MAMDC2: variants seen among roughly 807,000 people sequenced by gnomAD.
MAMDC2 encodes MAM domain containing 2.
A neutral mutation model predicts 89.8 loss-of-function variants in MAMDC2; 57 were observed. The observed-to-expected ratio is 0.63, with a 90% CI of 0.51 to 0.79. MAMDC2 has a LOEUF of 0.79. Ranked by LOEUF, MAMDC2 falls within the 30% of genes least tolerant of loss-of-function variation. The probability of loss-of-function intolerance (pLI) is 0.00; values close to 1 mark genes in which losing one functional copy is unlikely to be tolerated. For missense variants in MAMDC2, 800 were observed against 820.6 expected (o/e 0.97, Z 0.31); for synonymous variants, 313 against 293.4 (o/e 1.07, Z -0.68).
intron 2 of MAMDC2, among the ~76,000 whole-genome samples, chr9:70,046,770 G>A (rs1273828792): frequency 6.6e-6 from 1 of 152,246 alleles, no homozygotes; most frequent in African/African-American, 2.4e-5. Flanking sequence ...CTGCTTTCTG[G>A]CTCAGGACTG....
In MAMDC2 at chr9:70,126,220, C is replaced by T; in HGVS notation, c.705C>T (p.Ile235=). Reference sequence around the variant, plus strand: ...ACTTCCAGGAGGTGGCACAGCTCATCTCCCCGTTGACCACGGCCCCCATGG... The same window carrying T: ...ACTTCCAGGAGGTGGCACAGCTCATTTCCCCGTTGACCACGGCCCCCATGG... ...VKHFQEVAQL[I]SPLTTAPMAG... is the part of the protein sequence containing the mutation. Residue 235 remains isoleucine (I), a synonymous_variant, in exon 6 of 14, where the codon ATC becomes ATT. Transcript: ENST00000377182. The T allele has an allele frequency of 2.5e-6, 4 of 1,614,020 alleles. No individual in the cohort carries two copies. Among genetic ancestry groups the T allele is most frequent in the South Asian group, 2.2e-5 (2 of 91,070 alleles).
intron 11 of MAMDC2, among the ~76,000 whole-genome samples, chr9:70,195,970 A>G (rs1316064856): frequency 6.6e-6 from 1 of 152,160 alleles, no homozygotes; most frequent in Non-Finnish European, 1.5e-5. Flanking sequence ...TGGATAATTT[A>G]TAAAGGAAAG....
At chr9:70,168,503 A>G (rs1267331348) in intron 9 of MAMDC2, 199 bp from the exon 10 acceptor site, 2 of 509,396 alleles carry the variant, frequency 3.9e-6, no homozygotes, top group Non-Finnish European at 7.0e-6. Context: ...AAAATTAACA[A>G]TAATAATAAA....
intron 6 of MAMDC2, among the ~76,000 whole-genome samples, chr9:70,130,774 A>AAAAAC (rs4069785): frequency 0.068 from 10,257 of 151,744 alleles, 540 homozygotes; most frequent in East Asian, 0.23. Context: ...AGGGAGGTAA[A>AAAAAC]AAAACAAAAC....
chr9:70,120,048 T>C (rs572185760), intron 5 of MAMDC2, among the ~76,000 whole-genome samples: 1 of 152,314 alleles, frequency 6.6e-6, no homozygotes, highest in East Asian at 1.9e-4. Context: ...TCCCTTCTAA[T>C]GGAATTACCG....
chr9:70,126,452 C>T (rs774011710), intron 6 of MAMDC2, 37 bp downstream of exon 6: 12 of 1,587,468 alleles, frequency 7.6e-6, no homozygotes, highest in African/African-American at 1.3e-5. Flanking sequence ...TTCACTGGCA[C>T]TCTTTAGACA....
rs1053050599 is a variant in MAMDC2, at chr9:70,148,977, C to T, written c.1404+5158C>T. Among the ~76,000 whole-genome samples, 48 of 143,566 alleles carry T rather than the reference C, an allele frequency of 3.3e-4. 2 individuals are homozygous for T. Among genetic ancestry groups the T allele is most frequent in the Admixed American group, 9.1e-4 (13 of 14,256 alleles). The allele number at this position is 143,566 out of a possible 152,430, so 94.2% of individuals were successfully genotyped here. A position where few individuals can be genotyped will look rare whatever the true frequency, so the allele number is the denominator to read the frequency against. On this transcript the variant is annotated intron_variant, in intron 9 of 13. Coordinates refer to ENST00000377182, the MANE Select transcript of MAMDC2 (RefSeq NM_153267.5). ...CCGGGAGGTGGAGCTTGCAGTGAGC[C>T]GAGATTGCGCCACTGCACTCCAGCC...
At chr9:70,044,771 G>A (rs1826704963) in intron 2 of MAMDC2, 74 bp downstream of exon 2, 2 of 1,060,614 alleles carry the variant, frequency 1.9e-6, no homozygotes, top group Non-Finnish European at 2.8e-6. Context: ...TCCCACATGG[G>A]TAATGTTATC....
chr9:70,061,286 A>C (rs1827144998), intron 2 of MAMDC2, among the ~76,000 whole-genome samples: 1 of 152,150 alleles, frequency 6.6e-6, no homozygotes, highest in African/African-American at 2.4e-5. Context: ...AGGAAGCAGA[A>C]GTTTCTGTTG....
Position 70,052,456 on chromosome 9 carries a change from G to T in MAMDC2, c.148+7759G>T, listed in dbSNP as rs79489624. Among the ~76,000 whole-genome samples the T allele has an allele frequency of 2.6e-3, 402 of 152,104 alleles. 3 individuals are homozygous for T. Among genetic ancestry groups the T allele is most frequent in the African/African-American group, 8.8e-3 (367 of 41,498 alleles). On this transcript the variant is annotated intron_variant, in intron 2 of 13. Coordinates refer to ENST00000377182, the MANE Select transcript of MAMDC2 (RefSeq NM_153267.5). ...TCCTGTCCCATGCTCATCTATTTAG[G>T]TTCCACCTATGCTTTAAGGTCCAGC...
intron 9 of MAMDC2, chr9:70,153,364 T>G (rs1428065005): frequency 6.6e-6 from 1 of 152,180 alleles, no homozygotes; most frequent in Non-Finnish European, 1.5e-5. Flanking sequence ...AGAGAGTGAT[T>G]GTCAGAAATT....
At chr9:70,049,376 G>C (rs1241190220) in intron 2 of MAMDC2, among the ~76,000 whole-genome samples, 1 of 152,042 alleles carries the variant, frequency 6.6e-6, no homozygotes, top group East Asian at 1.9e-4. Context: ...TCATGTGCCA[G>C]TTATTATTAA....
rs146669802 is a variant in MAMDC2, at chr9:70,080,326, C to A, written c.149-27885C>A. Among the ~76,000 whole-genome samples the A allele has an allele frequency of 2.9e-3, 448 of 152,286 alleles. 1 individual carries two copies. The highest frequency in any genetic ancestry group is 0.01 in the African/African-American group (427 of 41,562). ...TGTTTTTATATGCTGTAGCACTATA[C>A]ATGTATGTGTACATATATCCACACA... On this transcript the variant is annotated intron_variant, in intron 2 of 13. Transcript: ENST00000377182.
At chr9:70,178,955 T>C (rs1311426067) in intron 11 of MAMDC2, among the ~76,000 whole-genome samples, 1 of 152,142 alleles carries the variant, frequency 6.6e-6, no homozygotes, top group East Asian at 1.9e-4. Flanking sequence ...TAGGCTGGCA[T>C]GTAGAATATT....
In MAMDC2 at chr9:70,109,520, C is replaced by T. The variant is rs1042794309; in HGVS notation, c.421-200C>T. On this transcript the variant is annotated intron_variant, in intron 3 of 13. Transcript: ENST00000377182. The stretch of plus-strand genomic sequence containing the variant: ...TGATGTATGAGTTTATGTGCACATG[C>T]GCATGCACACACATATATACACACA... Among the ~76,000 whole-genome samples the T allele has an allele frequency of 5.3e-5, 8 of 152,178 alleles. No homozygotes were observed. The South Asian group carries it at 1.2e-3, about 24-fold the overall frequency.
At chr9:70,183,076 T>C (rs2032679192) in intron 11 of MAMDC2, among the ~76,000 whole-genome samples, 1 of 152,218 alleles carries the variant, frequency 6.6e-6, no homozygotes, top group Non-Finnish European at 1.5e-5. Flanking sequence ...TCAAAACACA[T>C]CTTTATTTCT....
chr9:70,174,839 C>T (rs969427864), intron 11 of MAMDC2, among the ~76,000 whole-genome samples: 1 of 151,738 alleles, frequency 6.6e-6, no homozygotes, highest in Non-Finnish European at 1.5e-5. Context: ...ATTCTCCCTG[C>T]CTCAGGCTCC....
chr9:70,212,223 C>G (rs1587576425), intron 11 of MAMDC2, among the ~76,000 whole-genome samples: 1 of 152,230 alleles, frequency 6.6e-6, no homozygotes, highest in Non-Finnish European at 1.5e-5. Flanking sequence ...CCTGCCCCCA[C>G]AGGTGGAGTC....
chr9:70,164,499 C>T (rs186516405), intron 9 of MAMDC2, among the ~76,000 whole-genome samples: 2 of 152,262 alleles, frequency 1.3e-5, no homozygotes, highest in Admixed American at 1.3e-4. Flanking sequence ...ATTATCAGAA[C>T]CTAAGGACTG....
Sources: gnomAD v4.1 joint callset for allele counts (sites outside exome capture counted in the v4.1 genomes callset) on GRCh38, gnomAD v4.1.1 for gene constraint, MANE v1.5 for transcripts, NCBI Gene and HGNC (gene_info 2026-07-23, HGNC 2026-07-21) for gene names.